ME3: variants seen among roughly 807,000 people sequenced by gnomAD.
ME3 encodes the protein malic enzyme 3, also known as NADP-dependent malic enzyme, mitochondrial.
In ME3, 48 loss-of-function variants were observed where a neutral mutation model predicts 68.9. That is an observed-to-expected ratio of 0.70 (90% CI 0.55 to 0.89). The LOEUF (loss-of-function observed/expected upper bound fraction) is 0.89. ME3 is among the 40% of genes least tolerant of loss of function. The probability of loss-of-function intolerance (pLI) is 0.00; values close to 1 mark genes in which losing one functional copy is unlikely to be tolerated. For missense variants in ME3, 675 were observed against 797.4 expected (o/e 0.85, Z 1.85); for synonymous variants, 320 against 318.8 (o/e 1.00, Z -0.04).
chr11:86,448,210 G>A (rs919711559), exon 11 of ME3: 2 of 1,614,120 alleles, frequency 1.2e-6, no homozygotes, highest in Non-Finnish European at 8.5e-7. Context: ...ACTTCAGGAT[G>A]GTCTTGGGCA....
chr11:86,664,117 A>C (rs907834417), intron 2 of ME3, among the ~76,000 whole-genome samples: 1 of 152,188 alleles, frequency 6.6e-6, no homozygotes, highest in Non-Finnish European at 1.5e-5. Context: ...CAGCTTCCCA[A>C]AGTTGGTCTG....
chr11:86,611,041 T>C (rs189588718), intron 2 of ME3, among the ~76,000 whole-genome samples: 51 of 152,312 alleles, frequency 3.3e-4, no homozygotes, highest in Admixed American at 2.9e-3. Context: ...CAACCTCATA[T>C]ATATGTGAAT....
chr11:86,538,083 A>G (rs773284020), intron 4 of ME3, among the ~76,000 whole-genome samples: 38 of 152,216 alleles, frequency 2.5e-4, no homozygotes, highest in Non-Finnish European at 4.4e-4. Context: ...ACTGATGCAC[A>G]TAGACTCCTG....
At chr11:86,529,096 T>G (rs1007672916) in intron 4 of ME3, among the ~76,000 whole-genome samples, 1 of 151,952 alleles carries the variant, frequency 6.6e-6, no homozygotes, top group African/African-American at 2.4e-5. Flanking sequence ...TCAACAAAAT[T>G]GATAGACTGC....
At chr11:86,608,108 CA>C in intron 2 of ME3, among the ~76,000 whole-genome samples, 1 of 151,902 alleles carries the variant, frequency 6.6e-6, no homozygotes, top group Non-Finnish European at 1.5e-5. Context: ...CAAAAGAAAC[CA>C]AAAAACAAAG....
chr11:86,602,861 A>G (rs1960944013), intron 2 of ME3, among the ~76,000 whole-genome samples: 1 of 152,212 alleles, frequency 6.6e-6, no homozygotes, highest in Non-Finnish European at 1.5e-5. Flanking sequence ...AGGATTCCCT[A>G]TTTAATAAAT....
chr11:86,522,999 A>C (rs546836866), intron 4 of ME3, among the ~76,000 whole-genome samples: 1 of 152,264 alleles, frequency 6.6e-6, no homozygotes, highest in South Asian at 2.1e-4. Flanking sequence ...TATATCACCC[A>C]CAGTCTTTTG....
At chr11:86,600,710 C>T (rs1429261643) in intron 2 of ME3, among the ~76,000 whole-genome samples, 2 of 151,912 alleles carry the variant, frequency 1.3e-5, no homozygotes, top group Non-Finnish European at 2.9e-5. Flanking sequence ...AAGTAAAGCT[C>T]TCCTCAGCAA....
chr11:86,568,472 C>G (rs908636199), intron 2 of ME3, among the ~76,000 whole-genome samples: 1 of 152,220 alleles, frequency 6.6e-6, no homozygotes, highest in Admixed American at 6.5e-5. Context: ...CTGACTTTAC[C>G]TATTTCATCA....
intron 2 of ME3, among the ~76,000 whole-genome samples, chr11:86,634,405 C>T (rs1489002751): frequency 2.6e-5 from 4 of 152,206 alleles, no homozygotes; most frequent in Non-Finnish European, 5.9e-5. Context: ...GGTCAGCATG[C>T]CCGTGGGACA....
In ME3 at chr11:86,622,144, C is replaced by T. The variant is rs190486237; in HGVS notation, c.183+49618G>A. ...GTGGAAGAATATGTGTGGAAGGATG[C>T]GTTCCAGATACCTTTCATGGATCCA... On this transcript the variant is annotated intron_variant, in intron 2 of 14. Coordinates refer to ENST00000543262, the Ensembl canonical transcript of ME3. Among the ~76,000 whole-genome samples the T allele has an allele frequency of 9.1e-4, 139 of 152,038 alleles. 1 individual carries two copies. The highest frequency in any genetic ancestry group is 2.8e-3 in the African/African-American group (116 of 41,364).
chr11:86,527,514 A>G (rs1189087191), intron 4 of ME3, among the ~76,000 whole-genome samples: 2 of 152,216 alleles, frequency 1.3e-5, no homozygotes, highest in Non-Finnish European at 2.9e-5. Flanking sequence ...AATGCCACAA[A>G]GATAATCCTT....
In ME3 at chr11:86,663,295, A is replaced by T. The variant is rs559419649; in HGVS notation, c.183+8467T>A. Among the ~76,000 whole-genome samples, 4 of 152,236 alleles carry T rather than the reference A, an allele frequency of 2.6e-5. No homozygotes were observed. In the South Asian group the frequency reaches 8.3e-4, roughly 32 times the overall value. ...TCAAAAGCTGTGGATCTTTCTATCAAAAATCCCTCTCCTCAAATGACAGGT... is the reference window on the plus strand; with the variant it reads ...TCAAAAGCTGTGGATCTTTCTATCATAAATCCCTCTCCTCAAATGACAGGT... On this transcript the variant is annotated intron_variant, in intron 2 of 14. Coordinates refer to ENST00000543262, the Ensembl canonical transcript of ME3.
chr11:86,639,781 C>T (rs112808755), intron 2 of ME3, among the ~76,000 whole-genome samples: 1,964 of 152,304 alleles, frequency 0.013, 43 homozygotes, highest in African/African-American at 0.039. Context: ...CCTGAATATC[C>T]TTTCAAATTA....
At chr11:86,462,690 A>G in intron 8 of ME3, 2 of 873,038 alleles carry the variant, frequency 2.3e-6, no homozygotes, top group Non-Finnish European at 3.3e-6. Context: ...GGGGAACAAG[A>G]ATGGATAAGG....
At chr11:86,451,138 A>T (rs1949612701) in intron 8 of ME3, among the ~76,000 whole-genome samples, 1 of 152,250 alleles carries the variant, frequency 6.6e-6, no homozygotes, top group Non-Finnish European at 1.5e-5. Flanking sequence ...AGTGGACATG[A>T]CTTCAAGTGG....
intron 8 of ME3, among the ~76,000 whole-genome samples, chr11:86,458,445 A>G (rs1381105626): frequency 6.6e-6 from 1 of 152,156 alleles, no homozygotes; most frequent in African/African-American, 2.4e-5. Flanking sequence ...CTGTTTTGCC[A>G]CAATTTGGAA....
At chr11:86,535,647 A>G (rs962177539) in intron 4 of ME3, among the ~76,000 whole-genome samples, 2 of 152,214 alleles carry the variant, frequency 1.3e-5, no homozygotes, top group African/African-American at 2.4e-5. Context: ...ACATTTACTG[A>G]GTGCCCACTA....
intron 4 of ME3, among the ~76,000 whole-genome samples, chr11:86,545,403 G>A (rs1242307589): frequency 6.6e-6 from 1 of 152,152 alleles, no homozygotes; most frequent in African/African-American, 2.4e-5. Context: ...ATAACATGGT[G>A]TATATTTAGA....
Sources: allele counts gnomAD v4.1 joint callset (sites outside exome capture counted in the v4.1 genomes callset), GRCh38; gene constraint gnomAD v4.1.1; transcripts MANE v1.5; gene names NCBI Gene and HGNC (gene_info 2026-07-23, HGNC 2026-07-21).